The following DNAJA1 variants were observed in gnomAD, a reference collection of about 807,000 sequenced individuals.
DNAJA1 encodes the protein DnaJ heat shock protein family (Hsp40) member A1, also known as dnaJ homolog subfamily A member 1.
DNAJA1 carries 26 observed loss-of-function variants against 47.6 expected under a neutral mutation model. The ratio of observed to expected loss-of-function variants is 0.55; its 90% confidence interval spans 0.40 to 0.76. The LOEUF (loss-of-function observed/expected upper bound fraction) is 0.76, where lower values mean the gene tolerates loss of function less well. Ranked by LOEUF, DNAJA1 falls within the 30% of genes least tolerant of loss-of-function variation. The pLI, the probability that DNAJA1 is intolerant of heterozygous loss-of-function variation, is 0.00. For missense variants in DNAJA1, 315 were observed against 485.0 expected, an observed-to-expected ratio of 0.65 and a Z score of 3.29; for synonymous variants, 165 against 158.4, an observed-to-expected ratio of 1.04 and a Z score of -0.31.
chr9:33,030,522 A>G lies in DNAJA1; in HGVS notation c.498A>G (p.Gly166=), dbSNP rs1238786455. ...TGMQIRIHQI[G]PGMVQQIQSV... is the part of the protein sequence containing the mutation. Reference sequence around the variant, plus strand: ...TGCAAATAAGAATTCATCAGATAGGACCTGGAATGGTTCAGCAAATTCAGT... The same window carrying G: ...TGCAAATAAGAATTCATCAGATAGGGCCTGGAATGGTTCAGCAAATTCAGT... The change falls in exon 5 of 9, where the codon GGA becomes GGG. Residue 166 remains glycine (G), a synonymous_variant. Coordinates refer to ENST00000330899, the MANE Select transcript of DNAJA1 (RefSeq NM_001539.4). 6.2e-7 allele frequency: 1 copy of G among 1,614,042 alleles called. No individual in the cohort carries two copies. The highest frequency in any genetic ancestry group is 8.5e-7 in the Non-Finnish European group (1 of 1,180,028).
At chr9:33,026,386 T>C in intron 1 of DNAJA1, 89 bp from the exon 2 acceptor site, 1 of 1,430,220 alleles carries the variant, frequency 7.0e-7, no homozygotes, top group Non-Finnish European at 9.4e-7. Flanking sequence ...TATAATCGGA[T>C]TTTGCAAAGA....
At position 33,029,647 on chromosome 9, in the gene DNAJA1, T is replaced by C. The variant is rs113303113; in HGVS notation, c.311-238T>C. ...TTACCATATTTCCAAGATGGCCACG[T>C]CTGTGCCCTTAAGCAAATATTTAAT... On this transcript the variant is annotated intron_variant, in intron 3 of 8. Transcript: ENST00000330899. 4.4e-3 allele frequency among the ~76,000 whole-genome samples: 676 copies of C among 152,356 alleles called. 8 individuals carry two copies. The highest frequency in any genetic ancestry group is 0.016 in the African/African-American group (648 of 41,572).
In DNAJA1 at chr9:33,031,020, A is replaced by C. The variant is rs143636261; in HGVS notation, c.643+353A>C. Among the ~76,000 whole-genome samples, 389 of 152,304 alleles carry C rather than the reference A, an allele frequency of 2.6e-3. 1 individual carries two copies. The highest frequency in any genetic ancestry group is 3.6e-3 in the Non-Finnish European group (248 of 68,028). Reference sequence around the variant, plus strand: ...AGAATTGTACACATTCTTAATTAGGAGTTACTAGATCAAGGGATAGGCATA... The same window carrying C: ...AGAATTGTACACATTCTTAATTAGGCGTTACTAGATCAAGGGATAGGCATA... On this transcript the variant is annotated intron_variant, in intron 5 of 8. Coordinates refer to ENST00000330899, the MANE Select transcript of DNAJA1 (RefSeq NM_001539.4).
chr9:33,032,303 A>C (rs1184408219), intron 5 of DNAJA1, among the ~76,000 whole-genome samples: 1 of 152,250 alleles, frequency 6.6e-6, no homozygotes, highest in Non-Finnish European at 1.5e-5. Flanking sequence ...TGTTGAACTT[A>C]ATAAATCTGT....
At chr9:33,027,153 G>T (rs938467065) in intron 3 of DNAJA1, among the ~76,000 whole-genome samples, 163 bp downstream of exon 3, 91 of 140,266 alleles carry the variant, frequency 6.5e-4, no homozygotes, top group Admixed American at 3.0e-3. Context: ...TTTTGTTGTG[G>T]TTTTTTTTTT....
intron 3 of DNAJA1, among the ~76,000 whole-genome samples, chr9:33,029,253 T>A (rs1278039470): frequency 6.6e-6 from 1 of 151,174 alleles, no homozygotes; most frequent in African/African-American, 2.4e-5. Context: ...TATAAAACAT[T>A]TATCACTGCA....
intron 8 of DNAJA1, among the ~76,000 whole-genome samples, chr9:33,038,031 G>A (rs550797027): frequency 1.3e-4 from 20 of 149,732 alleles, no homozygotes; most frequent in South Asian, 1.3e-3. Context: ...TGAGACGGGA[G>A]TCTTGTTCTG....
intron 3 of DNAJA1, 31 bp from the exon 4 acceptor site, chr9:33,029,854 C>T (rs1295720272): frequency 1.2e-5 from 18 of 1,549,328 alleles, no homozygotes; most frequent in Non-Finnish European, 1.6e-5. Context: ...GCATCTTAAA[C>T]AGATTTGCAA....
rs957480914 is a variant in DNAJA1 at position 33,039,304 on chromosome 9, A to AG, written c.*401_*402insG. ...TTTAACTGGCAATGAGGAAAAAAAA[A>AG]TTTTGTAGAGAAGTGTTGGTCTGTA... On this transcript the variant is annotated 3_prime_UTR_variant, in exon 9 of 9. Coordinates refer to ENST00000330899, the MANE Select transcript of DNAJA1 (RefSeq NM_001539.4). The AG allele has an allele frequency of 1.1e-5, 2 of 177,900 alleles. No individual in the cohort carries two copies. The highest frequency in any genetic ancestry group is 4.8e-5 in the African/African-American group (2 of 41,784). The allele number at this position is 177,900 out of a possible 1,614,324, so 11.0% of individuals were successfully genotyped here. A position where few individuals can be genotyped will look rare whatever the true frequency, so the allele number is the denominator to read the frequency against.
At chr9:33,034,534 G>GA (rs762520246) in intron 6 of DNAJA1, among the ~76,000 whole-genome samples, 5 of 152,130 alleles carry the variant, frequency 3.3e-5, no homozygotes, top group African/African-American at 9.7e-5. Context: ...ATGGAACGTT[G>GA]AAAATGTGTT....
At chr9:33,034,144 A>T in intron 5 of DNAJA1, 72 bp from the exon 6 acceptor site, 1 of 1,047,864 alleles carries the variant, frequency 9.5e-7, no homozygotes, top group Non-Finnish European at 1.4e-6. Flanking sequence ...ACAAACATCT[A>T]TGTATAGATT....
Position 33,039,017 on chromosome 9 carries a change from A to G in DNAJA1, c.*114A>G, listed in dbSNP as rs11542818. On this transcript the variant is annotated 3_prime_UTR_variant, in exon 9 of 9. Transcript: ENST00000330899. ...TCTTGTTTTTGTTTTAATAAACTAT[A>G]GTAGTGTTTTAAAAAGTTAAATGAA... The G allele has an allele frequency of 6.3e-3, 6,640 of 1,056,196 alleles. 29 individuals carry two copies. Among genetic ancestry groups the G allele is most frequent in the Non-Finnish European group, 7.4e-3 (5,447 of 736,590 alleles). The allele number at this position is 1,056,196 out of a possible 1,614,324, so 65.4% of individuals were successfully genotyped here. A position where few individuals can be genotyped will look rare whatever the true frequency, so the allele number is the denominator to read the frequency against.
At position 33,038,758 on chromosome 9, in the gene DNAJA1, A is replaced by G. The variant is rs772077578; in HGVS notation, c.1049A>G (p.Lys350Arg). 2 of 1,614,038 alleles carry G rather than the reference A, an allele frequency of 1.2e-6. No individual in the cohort carries two copies. Among genetic ancestry groups the G allele is most frequent in the African/African-American group, 2.7e-5 (2 of 74,934 alleles). ...CTGGAAAAACTCCTACCCGAGAGGA[A>G]GGAAGTGGAAGAGACTGATGAGATG... is the stretch of plus-strand genomic sequence containing the variant. The part of the protein sequence containing the change: ...SLLEKLLPER[K>R]EVEETDEMDQ... Residue 350 changes from lysine to arginine, a missense_variant, in exon 9 of 9, where the codon AAG becomes AGG. Lys to Arg is a conservative substitution (Grantham distance 26, BLOSUM62 2). Transcript: ENST00000330899.
In DNAJA1 at chr9:33,026,515, T is replaced by G. The variant is rs1363800687; in HGVS notation, c.31T>G (p.Leu11Val). ...GAAAGAAACAACTTACTACGATGTTTTGGGGGTCAAACCCAATGCTACTCA... is the reference window on the plus strand; with the variant it reads ...GAAAGAAACAACTTACTACGATGTTGTGGGGGTCAAACCCAATGCTACTCA... Reference protein sequence around the residue: MVKETTYYDVLGVKPNATQEE... With the variant: MVKETTYYDVVGVKPNATQEE... Residue 11 changes from leucine (L) to valine (V), a missense_variant, in exon 2 of 9, where the codon TTG (leucine) becomes GTG (valine). By Grantham distance (32) the Leu-to-Val change is conservative. Transcript: ENST00000330899. 6.2e-7 allele frequency: 1 copy of G among 1,608,746 alleles called. No homozygotes were observed. Among genetic ancestry groups the G allele is most frequent in the Non-Finnish European group, 8.5e-7 (1 of 1,178,854 alleles).
At chr9:33,025,576 G>A (rs1270761584) in intron 1 of DNAJA1, among the ~76,000 whole-genome samples, 193 bp downstream of exon 1, 1 of 152,120 alleles carries the variant, frequency 6.6e-6, no homozygotes, top group African/African-American at 2.4e-5. Context: ...CAGTGAATGG[G>A]CCCGAGACCT....
At chr9:33,028,156 A>G (rs1407206293) in intron 3 of DNAJA1, among the ~76,000 whole-genome samples, 1 of 152,158 alleles carries the variant, frequency 6.6e-6, no homozygotes, top group Non-Finnish European at 1.5e-5. Context: ...GGCCTTTTTC[A>G]AATGGGAGTA....
intron 7 of DNAJA1, 61 bp from the exon 8 acceptor site, chr9:33,036,934 GACAGTGCTCTGTTCTTTATA>G: frequency 1.6e-6 from 2 of 1,275,998 alleles, no homozygotes; most frequent in Non-Finnish European, 2.2e-6. Flanking sequence ...AATGAGCTAG[GACAGTGCTCTGTTCTTTATA>G]TTCCCTGCCT....
Position 33,026,570 on chromosome 9 carries a change from T to A in DNAJA1, c.86T>A (p.Leu29Gln), listed in dbSNP as rs1344181635. ...GAATTGAAAAAGGCTTATAGGAAACTGGCTTTGAAGTACCATCCTGATAAG... is the reference window on the plus strand; with the variant it reads ...GAATTGAAAAAGGCTTATAGGAAACAGGCTTTGAAGTACCATCCTGATAAG... ...QEELKKAYRK[L>Q]ALKYHPDKNP... Residue 29 changes from leucine to glutamine, a missense_variant, in exon 2 of 9, where the codon CTG (leucine) becomes CAG (glutamine). Leu to Gln is a moderately radical substitution (Grantham distance 113, BLOSUM62 -2). Coordinates refer to ENST00000330899, the MANE Select transcript of DNAJA1 (RefSeq NM_001539.4). 6.2e-7 allele frequency: 1 copy of A among 1,611,880 alleles called. No individual in the cohort carries two copies. Among genetic ancestry groups the A allele is most frequent in the Non-Finnish European group, 8.5e-7 (1 of 1,179,538 alleles).
chr9:33,025,854 A>G lies in DNAJA1; in HGVS notation c.-11+471A>G, dbSNP rs1280063971. ...TGAGGGCTGGGCTTTCCCCACCGCC[A>G]CTTGGGTCCAGGGTGGGAGGGAGAA... On this transcript the variant is annotated intron_variant, in intron 1 of 8. Transcript: ENST00000330899. 2.0e-5 allele frequency among the ~76,000 whole-genome samples: 3 copies of G among 152,092 alleles called. No homozygotes were observed. The East Asian group carries it at 5.8e-4, about 29-fold the overall frequency.
Sources: gnomAD v4.1 joint callset for allele counts (sites outside exome capture counted in the v4.1 genomes callset) on GRCh38, gnomAD v4.1.1 for gene constraint, MANE v1.5 for transcripts, NCBI Gene and HGNC (gene_info 2026-07-23, HGNC 2026-07-21) for gene names.